TBC1D26: variants seen among roughly 807,000 people sequenced by gnomAD.
TBC1D26 encodes the protein TBC1 domain family member 26.
A neutral mutation model predicts 42.5 loss-of-function variants in TBC1D26; 19 were observed. That is an observed-to-expected ratio of 0.45 (90% CI 0.31 to 0.66). TBC1D26 has a LOEUF of 0.66. TBC1D26 is among the 30% of genes least tolerant of loss of function. The pLI, the probability that TBC1D26 is intolerant of heterozygous loss-of-function variation, is 0.06. For synonymous variants in TBC1D26, 97 were observed against 123.5 expected (o/e 0.79, Z 1.42); for missense variants, 228 against 332.6 (o/e 0.69, Z 2.45).
rs1383446153 is a variant in TBC1D26 at position 15,738,042 on chromosome 17, C to T, written c.244C>T (p.Leu82Phe). ...ACGTACCAACAAGTGGCAAAAGATG[C>T]TTGCAGACTGGACAAAATATAGGAG... ...SKRTNKWQKMLADWTKYRSTK... is the reference protein window; with the variant it reads ...SKRTNKWQKMFADWTKYRSTK... Residue 82 changes from leucine to phenylalanine, a missense_variant, in exon 6 of 15, where the codon CTT (leucine) becomes TTT (phenylalanine). By Grantham distance (22) the Leu-to-Phe change is conservative (BLOSUM62 0). This residue lies in a region of TBC1D26 where 72 missense variants were observed against 90.1 expected (regional missense o/e 0.80). Coordinates refer to ENST00000437605, the MANE Select transcript of TBC1D26 (RefSeq NM_001388465.1). 3.7e-6 allele frequency: 6 copies of T among 1,614,064 alleles called. No individual in the cohort carries two copies. The highest frequency in any genetic ancestry group is 5.1e-6 in the Non-Finnish European group (6 of 1,180,034).
At chr17:15,741,358 C>T in intron 10 of TBC1D26, 137 bp downstream of exon 10, 1 of 1,496,350 alleles carries the variant, frequency 6.7e-7, no homozygotes, top group South Asian at 1.3e-5. Flanking sequence ...TGTTTGGAGC[C>T]TCCAGGATGT....
Position 15,741,927 on chromosome 17 carries a change from TCGC to T in TBC1D26, c.647-14_647-12del, listed in dbSNP as rs746705470. The T allele has an allele frequency of 1.9e-5, 31 of 1,613,084 alleles. No individual in the cohort carries two copies. The South Asian group carries it at 3.3e-4, about 17-fold the overall frequency. Reference sequence around the variant, plus strand: ...GCGTGGGGTCTGATGGGGTGATGGGTCGCGGGCTTCTCAGTATTCTACAGCCCA... The same window carrying T: ...GCGTGGGGTCTGATGGGGTGATGGGTGGGCTTCTCAGTATTCTACAGCCCA... On this transcript the variant is annotated splice_polypyrimidine_tract_variant and intron_variant, in intron 10 of 14. Transcript: ENST00000437605.
chr17:15,741,493 G>C, intron 10 of TBC1D26: 1 of 533,848 alleles, frequency 1.9e-6, no homozygotes, highest in South Asian at 2.1e-5. Context: ...GTCGTCCGAA[G>C]CCAGCCCCAA....
In TBC1D26 at chr17:15,738,076, A is replaced by G; in HGVS notation, c.278A>G (p.Lys93Arg). ...ADWTKYRSTK[K>R]LSQRVYKVIP... ...TGGACAAAATATAGGAGCACCAAGAAGGTAACATGGGGAGGAAGTGGCCCG... is the reference window on the plus strand; with the variant it reads ...TGGACAAAATATAGGAGCACCAAGAGGGTAACATGGGGAGGAAGTGGCCCG... The change falls in exon 6 of 15, where the codon AAG becomes AGG. Residue 93 changes from lysine to arginine, a missense_variant and splice_region_variant. Physicochemically the swap from Lys to Arg is conservative, Grantham distance 26. Transcript: ENST00000437605. 6.2e-7 allele frequency: 1 copy of G among 1,614,232 alleles called. No homozygotes were observed. The highest frequency in any genetic ancestry group is 8.5e-7 in the Non-Finnish European group (1 of 1,180,040).
At chr17:15,741,631 C>A (rs931034726) in intron 10 of TBC1D26, 3 of 487,878 alleles carry the variant, frequency 6.1e-6, no homozygotes, top group African/African-American at 3.9e-5. Flanking sequence ...CATCCCATGT[C>A]CCCCAGCCTG....
At chr17:15,741,485 C>T (rs1597757808) in intron 10 of TBC1D26, 10 of 546,462 alleles carry the variant, frequency 1.8e-5, no homozygotes, top group South Asian at 4.3e-5. Flanking sequence ...TGCCCTCTGT[C>T]GTCCGAAGCC....
intron 8 of TBC1D26, among the ~76,000 whole-genome samples, chr17:15,739,864 C>G (rs1967725913): frequency 6.6e-6 from 1 of 152,232 alleles, no homozygotes. Flanking sequence ...AAAAAATCAA[C>G]CAGAGTGAAA....
chr17:15,736,555 C>T (rs1245330068), intron 4 of TBC1D26: 26 of 151,666 alleles, frequency 1.7e-4, no homozygotes, highest in Non-Finnish European at 3.7e-4. Context: ...CAACACTGCG[C>T]AGGGTGGATG....
Position 15,734,982 on chromosome 17 carries a change from C to T in TBC1D26, c.-90C>T, listed in dbSNP as rs1368027044. On this transcript the variant is annotated 5_prime_UTR_variant, in exon 2 of 15. Transcript: ENST00000437605. ...ACGATCCTATAGAGACATCCAGTCC[C>T]TGACTCCACCTGCCTCCAGGTGCCC... 3.0e-6 allele frequency: 1 copy of T among 329,840 alleles called. No homozygotes were observed. The highest frequency in any genetic ancestry group is 5.6e-6 in the Non-Finnish European group (1 of 178,116). The allele number at this position is 329,840 out of a possible 1,614,324, so 20.4% of individuals were successfully genotyped here.
chr17:15,741,895 AT>A (rs1967793908), intron 10 of TBC1D26, 46 bp from the exon 11 acceptor site: 1 of 1,596,646 alleles, frequency 6.3e-7, no homozygotes, highest in East Asian at 2.2e-5. Context: ...ATGCCTCCAC[AT>A]TTTGGGCGTG....
At chr17:15,741,801 G>A in intron 10 of TBC1D26, 141 bp from the exon 11 acceptor site, 2 of 741,632 alleles carry the variant, frequency 2.7e-6, no homozygotes, top group Non-Finnish European at 4.4e-6. Context: ...CCCCAGGGCT[G>A]AGGCTACATG....
At chr17:15,743,945 G>A (rs1967857506) in intron 14 of TBC1D26, 1 of 152,094 alleles carries the variant, frequency 6.6e-6, no homozygotes, top group Non-Finnish European at 1.5e-5. Context: ...GCGACAGAGC[G>A]AGGCTCTGTC....
intron 4 of TBC1D26, among the ~76,000 whole-genome samples, chr17:15,736,841 G>C (rs545716923): frequency 6.6e-6 from 1 of 152,284 alleles, no homozygotes. Flanking sequence ...TCACTCAGAG[G>C]TTCTGAAAGG....
In TBC1D26 at chr17:15,737,992, G is replaced by C. The variant is rs1359120266; in HGVS notation, c.199-5G>C. ...CCGCTAACTCCATCATGGCTCATTTGACAGCAAAGACGCAAGGAAAGTAAA... is the reference window on the plus strand; with the variant it reads ...CCGCTAACTCCATCATGGCTCATTTCACAGCAAAGACGCAAGGAAAGTAAA... On this transcript the variant is annotated splice_polypyrimidine_tract_variant and splice_region_variant and intron_variant, in intron 5 of 14. Transcript: ENST00000437605. 1.2e-6 allele frequency: 2 copies of C among 1,614,056 alleles called. No homozygotes were observed. The highest frequency in any genetic ancestry group is 1.1e-5 in the South Asian group (1 of 91,074).
rs1274314129 is a variant in TBC1D26, at chr17:15,744,670, T to C, written c.*78T>C. On this transcript the variant is annotated 3_prime_UTR_variant, in exon 15 of 15. Coordinates refer to ENST00000437605, the MANE Select transcript of TBC1D26 (RefSeq NM_001388465.1). The stretch of plus-strand genomic sequence containing the variant: ...AAGAAAATGTAGCTTTATTATAACA[T>C]AGGAAAGACTGCAAGTTATTACGGG... 3.9e-5 allele frequency: 6 copies of C among 151,956 alleles called. No individual in the cohort carries two copies. Among genetic ancestry groups the C allele is most frequent in the South Asian group, 2.1e-4 (1 of 4,810 alleles). The allele number at this position is 151,956 out of a possible 1,614,324, so 9.4% of individuals were successfully genotyped here. A position where few individuals can be genotyped will look rare whatever the true frequency, so the allele number is the denominator to read the frequency against.
chr17:15,737,666 G>A (rs1967654745), intron 5 of TBC1D26, 143 bp downstream of exon 5: 1 of 1,090,408 alleles, frequency 9.2e-7, no homozygotes, highest in African/African-American at 1.6e-5. Context: ...TTTCCTGCTG[G>A]ACTCTGTTCC....
In TBC1D26 at chr17:15,736,356, C is replaced by G. The variant is rs1294281393; in HGVS notation, c.158+677C>G. ...CTGGGGGAGGGGGGCAGGGTGAGCC[C>G]CTGAGACCTGCCACTTCTGGAAGGC... On this transcript the variant is annotated intron_variant, in intron 4 of 14. Coordinates refer to ENST00000437605, the MANE Select transcript of TBC1D26 (RefSeq NM_001388465.1). 1,550 of 157,730 alleles carry G rather than the reference C, an allele frequency of 9.8e-3. 2 individuals are homozygous for G. Among genetic ancestry groups the G allele is most frequent in the African/African-American group, 0.035 (1,447 of 41,502 alleles). 9.8% of individuals were successfully genotyped at this position (157,730 alleles called of 1,614,324 possible).
At chr17:15,743,982 G>C (rs1967858150) in intron 14 of TBC1D26, among the ~76,000 whole-genome samples, 4 of 151,776 alleles carry the variant, frequency 2.6e-5, no homozygotes, top group Admixed American at 2.6e-4. Context: ...AGATAACAAA[G>C]GTTTGCCACA....
Position 15,743,353 on chromosome 17 carries a change from C to T in TBC1D26, c.908-14C>T, listed in dbSNP as rs1484314613. On this transcript the variant is annotated splice_polypyrimidine_tract_variant and intron_variant, in intron 13 of 14. Transcript: ENST00000437605. ...CAGGGAACCCTCCTGGCCTGATGCC[C>T]GCCCTCTCCCTAGAGCACCTCATGA... The T allele has an allele frequency of 1.2e-5, 12 of 985,848 alleles. No homozygotes were observed. The highest frequency in any genetic ancestry group is 1.4e-5 in the Non-Finnish European group (12 of 829,932). 61.1% of individuals were successfully genotyped at this position (985,848 alleles called of 1,614,324 possible).
Sources: gnomAD v4.1 joint callset for allele counts (sites outside exome capture counted in the v4.1 genomes callset) on GRCh38, gnomAD v4.1.1 for gene constraint, gnomAD v4.1.1 regional missense constraint, MANE v1.5 for transcripts, NCBI Gene and HGNC (gene_info 2026-07-23, HGNC 2026-07-21) for gene names.